The following NTM variants were observed in gnomAD, a reference collection of about 807,000 sequenced individuals.
NTM encodes IgLON family member 2.
NTM carries 13 observed loss-of-function variants against 42.1 expected under a neutral mutation model. That is an observed-to-expected ratio of 0.31 (90% CI 0.20 to 0.49). NTM has a LOEUF of 0.49. NTM is among the 20% of genes least tolerant of loss of function. NTM has a pLI of 0.99. For missense variants in NTM, 373 were observed against 452.8 expected, an observed-to-expected ratio of 0.82 and a Z score of 1.60; for synonymous variants, 187 against 179.2, an observed-to-expected ratio of 1.04 and a Z score of -0.35.
At chr11:132,304,545 T>G (rs1425371620) in intron 4 of NTM, among the ~76,000 whole-genome samples, 1 of 152,204 alleles carries the variant, frequency 6.6e-6, no homozygotes. Context: ...AAAGTCAGAT[T>G]GCAGTTTAGT....
At chr11:131,580,193 C>T (rs1384485749) in intron 1 of NTM, among the ~76,000 whole-genome samples, 1 of 152,188 alleles carries the variant, frequency 6.6e-6, no homozygotes, top group Non-Finnish European at 1.5e-5. Flanking sequence ...AGCTCACTTC[C>T]TATATTTATA....
intron 1 of NTM, among the ~76,000 whole-genome samples, chr11:131,648,681 A>T (rs2066073994): frequency 6.6e-6 from 1 of 152,226 alleles, no homozygotes. Flanking sequence ...ATATTCTTAC[A>T]AACCCCATTT....
At chr11:132,243,986 C>A (rs2090646548) in intron 4 of NTM, among the ~76,000 whole-genome samples, 1 of 152,242 alleles carries the variant, frequency 6.6e-6, no homozygotes, top group Non-Finnish European at 1.5e-5. Flanking sequence ...GCCATCCCGT[C>A]TCATGGGCTC....
chr11:132,320,055 C>T (rs1182629854), intron 7 of NTM, among the ~76,000 whole-genome samples: 1 of 152,192 alleles, frequency 6.6e-6, no homozygotes, highest in Non-Finnish European at 1.5e-5. Context: ...AGATGAGGGT[C>T]CTGTCTGTTA....
intron 1 of NTM, among the ~76,000 whole-genome samples, chr11:131,477,893 C>T (rs1953121929): frequency 6.6e-6 from 1 of 151,274 alleles, no homozygotes; most frequent in Non-Finnish European, 1.5e-5. Flanking sequence ...AGCAGGCCAC[C>T]AGGTTCTGAC....
intron 1 of NTM, among the ~76,000 whole-genome samples, chr11:131,874,407 C>A (rs796108068): frequency 7.2e-5 from 11 of 151,828 alleles, no homozygotes; most frequent in South Asian, 2.1e-4. Context: ...AACAAAAAAA[C>A]CAAGCAGCAG....
chr11:131,399,360 A>G (rs1944878356), intron 1 of NTM, among the ~76,000 whole-genome samples: 1 of 152,190 alleles, frequency 6.6e-6, no homozygotes, highest in Non-Finnish European at 1.5e-5. Flanking sequence ...ATTAATGTAC[A>G]GACTTCAGGG....
intron 1 of NTM, among the ~76,000 whole-genome samples, chr11:131,596,684 C>G (rs1242096785): frequency 6.6e-6 from 1 of 152,234 alleles, no homozygotes; most frequent in Non-Finnish European, 1.5e-5. Context: ...GGTCTTCTAC[C>G]CGTGTCCCTG....
rs973443249 is a variant in NTM at position 131,447,937 on chromosome 11, C to T, written c.82+77049C>T. Among the ~76,000 whole-genome samples the T allele has an allele frequency of 3.3e-5, 5 of 152,176 alleles. No individual in the cohort carries two copies. In the East Asian group the frequency reaches 5.8e-4, roughly 18 times the overall value. On this transcript the variant is annotated intron_variant, in intron 1 of 8. Coordinates refer to ENST00000683400, the MANE Select transcript of NTM (RefSeq NM_001352005.2). ...TCCACTTCCTCGCCTTGTACTTCTG[C>T]GTCTTGGGCAGTCGGATTTCACATC...
intron 2 of NTM, among the ~76,000 whole-genome samples, chr11:132,140,624 A>G (rs6590625): frequency 0.86 from 131,330 of 152,188 alleles, 57,206 homozygotes; most frequent in Non-Finnish European, 0.91. Flanking sequence ...TTTCTCTTAC[A>G]ATAAAGGAGT....
At chr11:131,866,134 C>T (rs2047184067) in intron 1 of NTM, among the ~76,000 whole-genome samples, 2 of 151,296 alleles carry the variant, frequency 1.3e-5, no homozygotes, top group Non-Finnish European at 2.9e-5. Flanking sequence ...CTCACATACA[C>T]ATGCATGCCG....
At chr11:131,926,333 C>A (rs1234333445) in intron 2 of NTM, among the ~76,000 whole-genome samples, 1 of 152,048 alleles carries the variant, frequency 6.6e-6, no homozygotes, top group Non-Finnish European at 1.5e-5. Flanking sequence ...AAACAAACAA[C>A]GCATCACATG....
chr11:131,637,779 T>C (rs557898233), intron 1 of NTM, among the ~76,000 whole-genome samples: 73 of 152,242 alleles, frequency 4.8e-4, no homozygotes, highest in South Asian at 1.5e-3. Flanking sequence ...AAAGCCAGGC[T>C]GGCTCATCAA....
intron 1 of NTM, among the ~76,000 whole-genome samples, chr11:131,396,381 G>A (rs941361291): frequency 2.0e-5 from 3 of 152,072 alleles, no homozygotes; most frequent in Admixed American, 2.0e-4. Context: ...ACTTTCCTAC[G>A]CACAGCTTGA....
At chr11:131,703,802 C>T (rs968804496) in intron 1 of NTM, among the ~76,000 whole-genome samples, 44 of 152,214 alleles carry the variant, frequency 2.9e-4, no homozygotes, top group Admixed American at 2.1e-3. Context: ...GGGAAGAGAG[C>T]GAAGTGAGTA....
At chr11:131,495,836 C>T (rs1006576305) in intron 1 of NTM, among the ~76,000 whole-genome samples, 6 of 152,188 alleles carry the variant, frequency 3.9e-5, no homozygotes, top group Admixed American at 1.3e-4. Context: ...TGATTGCTTC[C>T]GCAGGGAATG....
At chr11:132,138,633 G>C (rs772810607) in intron 2 of NTM, among the ~76,000 whole-genome samples, 2 of 93,600 alleles carry the variant, frequency 2.1e-5, no homozygotes, top group African/African-American at 7.8e-5. Context: ...CTAATCTATC[G>C]AGAGACTTAT....
chr11:131,479,581 A>C (rs1056968501), intron 1 of NTM, among the ~76,000 whole-genome samples: 3 of 152,232 alleles, frequency 2.0e-5, no homozygotes, highest in Non-Finnish European at 4.4e-5. Context: ...AGAGAGCACC[A>C]TATGGCTCTG....
intron 1 of NTM, among the ~76,000 whole-genome samples, chr11:131,661,679 G>A (rs558200818): frequency 5.9e-5 from 9 of 152,266 alleles, no homozygotes; most frequent in East Asian, 1.9e-4. Context: ...CAAGAAAGGC[G>A]TTTTGAAGTT....
Sources: allele counts gnomAD v4.1 joint callset (sites outside exome capture counted in the v4.1 genomes callset), GRCh38; gene constraint gnomAD v4.1.1; transcripts MANE v1.5; gene names NCBI Gene and HGNC (gene_info 2026-07-23, HGNC 2026-07-21).